TMEM163: variants seen among roughly 807,000 people sequenced by gnomAD.
TMEM163 encodes the protein transmembrane protein 163.
A neutral mutation model predicts 29.3 loss-of-function variants in TMEM163; 17 were observed. The observed-to-expected ratio is 0.58, with a 90% CI of 0.40 to 0.87. TMEM163 has a LOEUF of 0.87. Among genes scored for constraint, TMEM163 ranks in the 40% least tolerant of loss-of-function variants. The pLI is 0.00. For synonymous variants in TMEM163, 157 were observed against 160.6 expected, an observed-to-expected ratio of 0.98 and a Z score of 0.17; for missense variants, 303 against 381.5, an observed-to-expected ratio of 0.79 and a Z score of 1.71.
At chr2:134,510,137 A>T (rs2106490368) in intron 4 of TMEM163, among the ~76,000 whole-genome samples, 1 of 152,294 alleles carries the variant, frequency 6.6e-6, no homozygotes, top group Admixed American at 6.5e-5. Context: ...CGGCATACAG[A>T]CCAAAACCTG....
chr2:134,584,758 A>G (rs1379164314), intron 2 of TMEM163, among the ~76,000 whole-genome samples: 1 of 152,222 alleles, frequency 6.6e-6, no homozygotes, highest in African/African-American at 2.4e-5. Context: ...TCAGACACAA[A>G]TGTTCATTCA....
chr2:134,495,418 G>C (rs543198607), intron 5 of TMEM163, among the ~76,000 whole-genome samples: 1 of 152,202 alleles, frequency 6.6e-6, no homozygotes, highest in Admixed American at 6.5e-5. Flanking sequence ...AGGCTGTCTC[G>C]ATCCTCCTCA....
At chr2:134,557,221 T>C (rs1331553175) in intron 2 of TMEM163, among the ~76,000 whole-genome samples, 1 of 152,212 alleles carries the variant, frequency 6.6e-6, no homozygotes, top group Non-Finnish European at 1.5e-5. Context: ...AGATGAAGCA[T>C]GTGCTACAAC....
chr2:134,596,577 G>A lies in TMEM163; in HGVS notation c.323-44486C>T, dbSNP rs527744959. Among the ~76,000 whole-genome samples, 18 of 152,330 alleles carry A rather than the reference G, an allele frequency of 1.2e-4. No individual in the cohort carries two copies. In the East Asian group the frequency reaches 3.1e-3, roughly 26 times the overall value. On this transcript the variant is annotated intron_variant, in intron 2 of 7. Transcript: ENST00000281924. ...CTCCAGCTTTGTTCTTTTGGCTTAG[G>A]ATTGACTTGGCAATGCGAGCTCTTC...
chr2:134,676,647 A>T (rs1200947283), intron 2 of TMEM163, among the ~76,000 whole-genome samples: 1 of 152,098 alleles, frequency 6.6e-6, no homozygotes, highest in Non-Finnish European at 1.5e-5. Context: ...TTGTCCTTGG[A>T]AGTCCTTGGA....
intron 5 of TMEM163, among the ~76,000 whole-genome samples, chr2:134,486,333 A>T (rs573217639): frequency 6.6e-6 from 1 of 152,304 alleles, no homozygotes; most frequent in East Asian, 1.9e-4. Context: ...ACTAACGATG[A>T]GAGCTTAGAT....
At chr2:134,649,820 C>T (rs1034747712) in intron 2 of TMEM163, among the ~76,000 whole-genome samples, 1 of 151,704 alleles carries the variant, frequency 6.6e-6, no homozygotes, top group South Asian at 2.1e-4. Flanking sequence ...TTGAGACCAA[C>T]CTGGGCAATG....
intron 2 of TMEM163, among the ~76,000 whole-genome samples, chr2:134,590,923 C>T (rs776731817): frequency 3.9e-5 from 6 of 152,152 alleles, no homozygotes; most frequent in Non-Finnish European, 7.4e-5. Flanking sequence ...CTAAGACATG[C>T]CCACAGCTGC....
At chr2:134,716,506 T>G (rs948262686) in intron 1 of TMEM163, among the ~76,000 whole-genome samples, 1 of 152,198 alleles carries the variant, frequency 6.6e-6, no homozygotes, top group East Asian at 1.9e-4. Flanking sequence ...CAAAAGAGAA[T>G]GCCAAATACA....
intron 2 of TMEM163, among the ~76,000 whole-genome samples, chr2:134,605,515 T>C (rs1206878807): frequency 6.6e-6 from 1 of 151,852 alleles, no homozygotes; most frequent in African/African-American, 2.4e-5. Flanking sequence ...CTGGCCAACA[T>C]GGTGAAACCC....
At chr2:134,560,012 T>C (rs1005772262) in intron 2 of TMEM163, among the ~76,000 whole-genome samples, 2 of 152,104 alleles carry the variant, frequency 1.3e-5, no homozygotes, top group Non-Finnish European at 2.9e-5. Context: ...TCCAGCCACA[T>C]GGGGCTCCTC....
intron 2 of TMEM163, among the ~76,000 whole-genome samples, chr2:134,672,008 A>G (rs1379700961): frequency 1.3e-5 from 2 of 152,232 alleles, no homozygotes; most frequent in African/African-American, 4.8e-5. Flanking sequence ...ATTCATTATT[A>G]TCATCACCCT....
At chr2:134,477,162 G>A (rs547716166) in intron 5 of TMEM163, among the ~76,000 whole-genome samples, 5 of 152,150 alleles carry the variant, frequency 3.3e-5, no homozygotes, top group Non-Finnish European at 7.3e-5. Flanking sequence ...TGTCCGGCAC[G>A]TGTCCAGTGT....
intron 2 of TMEM163, among the ~76,000 whole-genome samples, chr2:134,639,902 C>T (rs1326812715): frequency 6.6e-6 from 1 of 152,088 alleles, no homozygotes; most frequent in African/African-American, 2.4e-5. Flanking sequence ...TTCAGCAAGC[C>T]GCTTCTTTCA....
Position 134,717,711 on chromosome 2 carries a change from C to A in TMEM163, c.202+1023G>T, listed in dbSNP as rs114347051. Among the ~76,000 whole-genome samples, 794 of 152,338 alleles carry A rather than the reference C, an allele frequency of 5.2e-3. 1 individual carries two copies. The highest frequency in any genetic ancestry group is 8.1e-3 in the Non-Finnish European group (549 of 68,034). On this transcript the variant is annotated intron_variant, in intron 1 of 7. Coordinates refer to ENST00000281924, the MANE Select transcript of TMEM163 (RefSeq NM_030923.5). The stretch of plus-strand genomic sequence containing the variant: ...CTAAAGGGCCTGGCTGCAAGAATCC[C>A]TCTTTGGCCACTAAACGGTTTTAGC...
intron 2 of TMEM163, among the ~76,000 whole-genome samples, chr2:134,585,702 A>G (rs942263308): frequency 2.0e-5 from 3 of 151,120 alleles, no homozygotes; most frequent in East Asian, 2.0e-4. Flanking sequence ...AGATCGCGCC[A>G]CTGCACTCCA....
At chr2:134,645,550 A>C (rs184814917) in intron 2 of TMEM163, among the ~76,000 whole-genome samples, 1 of 152,384 alleles carries the variant, frequency 6.6e-6, no homozygotes, top group Non-Finnish European at 1.5e-5. Context: ...CATAACTGCC[A>C]AAAACTGGAA....
At chr2:134,704,964 C>G (rs6761929) in intron 2 of TMEM163, among the ~76,000 whole-genome samples, 1 of 151,850 alleles carries the variant, frequency 6.6e-6, no homozygotes, top group African/African-American at 2.4e-5. Flanking sequence ...ATCCCAGTAC[C>G]TTGGGAGGCT....
intron 2 of TMEM163, among the ~76,000 whole-genome samples, chr2:134,697,234 C>G (rs988863372): frequency 6.6e-6 from 1 of 152,156 alleles, no homozygotes; most frequent in South Asian, 2.1e-4. Flanking sequence ...CCCTACTATA[C>G]TGGGTAGGAC....
Sources: gnomAD v4.1 joint callset for allele counts (sites outside exome capture counted in the v4.1 genomes callset) on GRCh38, gnomAD v4.1.1 for gene constraint, MANE v1.5 for transcripts, NCBI Gene and HGNC (gene_info 2026-07-23, HGNC 2026-07-21) for gene names.